The following EVI5 variants were observed in gnomAD, a reference collection of about 807,000 sequenced individuals.
The protein encoded by EVI5 is ecotropic viral integration site 5.
A neutral mutation model predicts 112.0 loss-of-function variants in EVI5; 73 were observed. The observed-to-expected ratio is 0.65, with a 90% CI of 0.54 to 0.79. The LOEUF is 0.79. Among genes scored for constraint, EVI5 ranks in the 30% least tolerant of loss-of-function variants. The probability of loss-of-function intolerance (pLI) is 0.00; values close to 1 mark genes in which losing one functional copy is unlikely to be tolerated. For synonymous variants in EVI5, 305 were observed against 319.9 expected (o/e 0.95, Z 0.50); for missense variants, 900 against 968.8 (o/e 0.93, Z 0.94).
rs201980341 is a variant in EVI5 at position 92,792,068 on chromosome 1, GT to G, written c.51+275del. 3.6e-4 allele frequency among the ~76,000 whole-genome samples: 55 copies of G among 152,312 alleles called. No individual in the cohort carries two copies. The East Asian group carries it at 0.01, about 28-fold the overall frequency. The stretch of plus-strand genomic sequence containing the variant: ...TACAGCTAGGAGAGAATTGCGGCAA[GT>G]GTTGAATTACAAAAAGCCAATTACT... On this transcript the variant is annotated intron_variant, in intron 1 of 17. Coordinates refer to the EVI5 transcript ENST00000370331.
intron 9 of EVI5, among the ~76,000 whole-genome samples, chr1:92,680,428 A>G (rs764914159): frequency 1.2e-4 from 19 of 152,248 alleles, no homozygotes; most frequent in Non-Finnish European, 2.5e-4. Context: ...ACTGAATAAA[A>G]TAATCCATGA....
chr1:92,727,729 A>AT (rs150419512), intron 2 of EVI5, among the ~76,000 whole-genome samples: 2,890 of 152,198 alleles, frequency 0.019, 107 homozygotes, highest in African/African-American at 0.065. Flanking sequence ...AACTCCAAAG[A>AT]TTTTTTCTAG....
At chr1:92,671,485 C>A (rs777846497) in intron 10 of EVI5, among the ~76,000 whole-genome samples, 1 of 152,194 alleles carries the variant, frequency 6.6e-6, no homozygotes, top group African/African-American at 2.4e-5. Context: ...AATACTATGA[C>A]CCCGCCAATA....
rs780599148 is a variant in EVI5 at position 92,561,554 on chromosome 1, A to ACTAT, written c.2166+2084_2166+2087dup. On this transcript the variant is annotated intron_variant, in intron 19 of 19. Coordinates refer to ENST00000684568, the MANE Select transcript of EVI5 (RefSeq NM_001350197.2). ...TTTTCTGGCAGTCCTGATGAGACTG[A>ACTAT]CTATCTATCTATCTATCTATCTATC... 2.3e-3 allele frequency among the ~76,000 whole-genome samples: 297 copies of ACTAT among 127,624 alleles called. 1 individual carries two copies. The highest frequency in any genetic ancestry group is 4.0e-3 in the Non-Finnish European group (237 of 59,416). The allele number at this position is 127,624 out of a possible 152,430, so 83.7% of individuals were successfully genotyped here.
At position 92,511,679 on chromosome 1, in the gene EVI5, A is replaced by C. The variant is rs575506285; in HGVS notation, c.*1977T>G. 1 of 152,246 alleles carries C rather than the reference A, an allele frequency of 6.6e-6. No individual in the cohort carries two copies. Among genetic ancestry groups the C allele is most frequent in the East Asian group, 1.9e-4 (1 of 5,178 alleles). 9.4% of individuals were successfully genotyped at this position (152,246 alleles called of 1,614,324 possible). On this transcript the variant is annotated 3_prime_UTR_variant, in exon 20 of 20. Transcript: ENST00000684568. ...TGAGACACCTGTCTCTATATTAAAA[A>C]AAATCTTGGCTCTGCTACTTACTAG...
chr1:92,688,327 G>T (rs1267917954), intron 9 of EVI5, among the ~76,000 whole-genome samples: 3 of 152,098 alleles, frequency 2.0e-5, no homozygotes, highest in African/African-American at 7.2e-5. Flanking sequence ...GGTGGGAGCT[G>T]AACAAAACCT....
chr1:92,641,399 T>C (rs1659941069), intron 13 of EVI5, among the ~76,000 whole-genome samples: 1 of 152,030 alleles, frequency 6.6e-6, no homozygotes, highest in African/African-American at 2.4e-5. Context: ...AACAACAAAA[T>C]CCCTGTATTA....
intron 14 of EVI5, among the ~76,000 whole-genome samples, chr1:92,634,923 T>C (rs1658411657): frequency 2.0e-5 from 3 of 152,224 alleles, no homozygotes; most frequent in East Asian, 1.9e-4. Flanking sequence ...TGCAAGTCTG[T>C]TGGAGTTTGC....
At chr1:92,632,690 C>T (rs963978187) in intron 14 of EVI5, among the ~76,000 whole-genome samples, 1 of 152,104 alleles carries the variant, frequency 6.6e-6, no homozygotes, top group Non-Finnish European at 1.5e-5. Flanking sequence ...CTGCTCCGAT[C>T]TTAGTTATTT....
Position 92,704,638 on chromosome 1 carries a change from G to T in EVI5, c.256C>A (p.Leu86Ile). Reference protein sequence around the residue: ...SSSASSNLSHLEEDSWILWGR... With the variant: ...SSSASSNLSHIEEDSWILWGR... ...CAAAGAATCCAAGAATCTTCTTCAAGGTGACTGAGGTTGCTAGAGGCTGAT... is the reference window on the plus strand; with the variant it reads ...CAAAGAATCCAAGAATCTTCTTCAATGTGACTGAGGTTGCTAGAGGCTGAT... The change falls in exon 3 of 20, where the codon CTT becomes ATT. Residue 86 changes from leucine to isoleucine, a missense_variant. Physicochemically the swap from Leu to Ile is conservative, Grantham distance 5. Transcript: ENST00000684568. The T allele has an allele frequency of 6.2e-7, 1 of 1,604,664 alleles. No homozygotes were observed. The highest frequency in any genetic ancestry group is 1.1e-5 in the South Asian group (1 of 89,930).
chr1:92,709,141 A>T (rs1236792459), intron 2 of EVI5, among the ~76,000 whole-genome samples: 1 of 152,204 alleles, frequency 6.6e-6, no homozygotes, highest in Admixed American at 6.5e-5. Context: ...TTATACAAAA[A>T]AGAACAGGTA....
intron 14 of EVI5, among the ~76,000 whole-genome samples, chr1:92,632,923 T>C (rs1010370774): frequency 1.3e-5 from 2 of 152,174 alleles, no homozygotes; most frequent in African/African-American, 2.4e-5. Flanking sequence ...GCCTTCATTT[T>C]GTTATGTACC....
intron 19 of EVI5, among the ~76,000 whole-genome samples, chr1:92,551,040 C>CTTTTCTTTTTT (rs1666836932): frequency 2.5e-5 from 2 of 80,700 alleles, no homozygotes; most frequent in African/African-American, 1.0e-4. Context: ...TTCTTTCTTT[C>CTTTTCTTTTTT]TTTTTTTTTT....
chr1:92,712,511 A>C (rs1419772145), intron 2 of EVI5, among the ~76,000 whole-genome samples: 1 of 152,218 alleles, frequency 6.6e-6, no homozygotes, highest in Non-Finnish European at 1.5e-5. Flanking sequence ...AGACTATCTT[A>C]GGCTAAGCTA....
intron 13 of EVI5, among the ~76,000 whole-genome samples, chr1:92,637,293 G>T (rs1557967060): frequency 6.6e-6 from 1 of 151,968 alleles, no homozygotes; most frequent in Non-Finnish European, 1.5e-5. Flanking sequence ...CAGGAGAATG[G>T]CTTGAGCCCG....
At position 92,607,593 on chromosome 1, in the gene EVI5, C is replaced by A. The variant is rs1331242445; in HGVS notation, c.1962G>T (p.Glu654Asp). Residue 654 changes from glutamate to aspartate, a missense_variant, in exon 17 of 20, where the codon GAG becomes GAT. Coordinates refer to ENST00000684568, the MANE Select transcript of EVI5 (RefSeq NM_001350197.2). ...QLSEAKRKQA[E>D]IECKNKEEVM... ...TTGACATATTTACCTTGCATTCAATCTCTGCTTGTTTACGCTTTGCTTCAC... is the reference window on the plus strand; with the variant it reads ...TTGACATATTTACCTTGCATTCAATATCTGCTTGTTTACGCTTTGCTTCAC... 8.2e-6 allele frequency: 13 copies of A among 1,577,482 alleles called. No homozygotes were observed. The highest frequency in any genetic ancestry group is 1.1e-5 in the Non-Finnish European group (13 of 1,167,938).
chr1:92,729,432 C>T (rs1280222580), intron 2 of EVI5, among the ~76,000 whole-genome samples: 1 of 152,184 alleles, frequency 6.6e-6, no homozygotes, highest in East Asian at 1.9e-4. Context: ...AAAGGTCACA[C>T]AGACATTACA....
chr1:92,707,331 C>G (rs1672179147), intron 2 of EVI5, among the ~76,000 whole-genome samples: 1 of 151,248 alleles, frequency 6.6e-6, no homozygotes, highest in African/African-American at 2.4e-5. Context: ...CTGTGCTCCT[C>G]AAAAGATACT....
intron 13 of EVI5, among the ~76,000 whole-genome samples, chr1:92,661,904 C>A (rs181131380): frequency 6.6e-6 from 1 of 152,128 alleles, no homozygotes; most frequent in African/African-American, 2.4e-5. Context: ...TACAATCTAG[C>A]GCCTACTTGA....
Sources: allele counts gnomAD v4.1 joint callset (sites outside exome capture counted in the v4.1 genomes callset), GRCh38; gene constraint gnomAD v4.1.1; transcripts MANE v1.5; gene names NCBI Gene and HGNC (gene_info 2026-07-23, HGNC 2026-07-21).